OR5AP2: variants seen among roughly 807,000 people sequenced by gnomAD.
OR5AP2 encodes the protein olfactory receptor 5AP2.
For synonymous variants in OR5AP2, 142 were observed against 140.8 expected (o/e 1.01, Z -0.06); for missense variants, 409 against 378.9 (o/e 1.08, Z -0.66).
At position 56,641,762 on chromosome 11, in the gene OR5AP2, A is replaced by G. The variant is rs746383421; in HGVS notation, c.678T>C (p.Cys226=). 1 of 1,614,150 alleles carries G rather than the reference A, an allele frequency of 6.2e-7. No individual in the cohort carries two copies. Among genetic ancestry groups the G allele is most frequent in the African/African-American group, 1.3e-5 (1 of 75,062 alleles). ...GCATCTTCAAGACGGCAATGAAGAT[A>G]CACAGGTAGGAAATGAGGACAATCA... ...CVMIVLISYL[C]IFIAVLKMPS... The change falls in exon 1 of 1, where the codon TGT becomes TGC. Residue 226 remains cysteine (C), a synonymous_variant. Transcript: ENST00000544374.
At position 56,642,109 on chromosome 11, in the gene OR5AP2, C is replaced by G. The variant is rs1305811605; in HGVS notation, c.331G>C (p.Gly111Arg). ...HGCAAQFYFFGSFLGTECFLL... is the reference protein window; with the variant it reads ...HGCAAQFYFFRSFLGTECFLL... ...AAGCACTCAGTCCCCAGGAAGGAGC[C>G]AAAGAAGTAGAACTGGGCAGCACAT... is the stretch of plus-strand genomic sequence containing the variant. Residue 111 changes from glycine (G) to arginine (R), a missense_variant, in exon 1 of 1, where the codon GGC (glycine) becomes CGC (arginine). Coordinates refer to ENST00000544374, the MANE Select transcript of OR5AP2 (RefSeq NM_001002925.1). 2.5e-6 allele frequency: 4 copies of G among 1,613,936 alleles called. No homozygotes were observed. The highest frequency in any genetic ancestry group is 3.4e-6 in the Non-Finnish European group (4 of 1,180,028).
rs1857004165 is a variant in OR5AP2 at position 56,641,532 on chromosome 11, A to G, written c.908T>C (p.Val303Ala). 3.7e-6 allele frequency: 6 copies of G among 1,610,024 alleles called. No homozygotes were observed. The highest frequency in any genetic ancestry group is 5.1e-6 in the Non-Finnish European group (6 of 1,177,022). Residue 303 changes from valine (V) to alanine (A), a missense_variant, in exon 1 of 1, where the codon GTA becomes GCA. Coordinates refer to ENST00000544374, the MANE Select transcript of OR5AP2 (RefSeq NM_001002925.1). ...PLIYSLKNKD[V>A]KKALKKILWK... Reference sequence around the variant, plus strand: ...TAAGATCTTCTTTAGGGCCTTTTTTACATCCTTATTTTTTAAACTATAGAT... The same window carrying G: ...TAAGATCTTCTTTAGGGCCTTTTTTGCATCCTTATTTTTTAAACTATAGAT...
rs61743175 is a variant in OR5AP2, at chr11:56,642,057, C to A, written c.383G>T (p.Arg128Leu). The A allele has an allele frequency of 3.1e-6, 5 of 1,613,910 alleles. No homozygotes were observed. In the African/African-American group the frequency reaches 5.3e-5, roughly 17 times the overall value. ...CFLLAMMAYDRYAAIWNPLLY... is the reference protein window; with the variant it reads ...CFLLAMMAYDLYAAIWNPLLY... Reference sequence around the variant, plus strand: ...CAGGGGGTTCCAAATGGCTGCATAGCGGTCATATGCCATCATGGCCAACAG... The same window carrying A: ...CAGGGGGTTCCAAATGGCTGCATAGAGGTCATATGCCATCATGGCCAACAG... The change falls in exon 1 of 1, where the codon CGC (arginine) becomes CTC (leucine). Residue 128 changes from arginine to leucine, a missense_variant. Physicochemically the swap from Arg to Leu is moderately radical, Grantham distance 102. Coordinates refer to ENST00000544374, the MANE Select transcript of OR5AP2 (RefSeq NM_001002925.1).
At position 56,642,323 on chromosome 11, in the gene OR5AP2, C is replaced by T. The variant is rs928597669; in HGVS notation, c.117G>A (p.Leu39=). The T allele has an allele frequency of 7.4e-6, 12 of 1,613,480 alleles. No homozygotes were observed. The highest frequency in any genetic ancestry group is 1.0e-5 in the Non-Finnish European group (12 of 1,179,958). Residue 39 remains leucine, a synonymous_variant, in exon 1 of 1, where the codon TTG becomes TTA. Coordinates refer to ENST00000544374, the MANE Select transcript of OR5AP2 (RefSeq NM_001002925.1). ...LQGVLFALFL[L]IYMANMVGNL... is the part of the protein sequence containing the mutation. ...TGCCCACCATGTTTGCCATATAGAT[C>T]AACAGAAACAATGCAAAGAGGACTC...
rs750762247 is a variant in OR5AP2 at position 56,641,956 on chromosome 11, C to T, written c.484G>A (p.Ala162Thr). 6.8e-6 allele frequency: 11 copies of T among 1,614,066 alleles called. No individual in the cohort carries two copies. The Admixed American group carries it at 1.7e-4, about 24-fold the overall frequency. Residue 162 changes from alanine to threonine, a missense_variant, in exon 1 of 1, where the codon GCA becomes ACA. Transcript: ENST00000544374. Reference sequence around the variant, plus strand: ...AAAGTCATCCCTGTATGTATGGCTGCATTTCCACAACCTGCTAAGAAGGAG... The same window carrying T: ...AAAGTCATCCCTGTATGTATGGCTGTATTTCCACAACCTGCTAAGAAGGAG... ...ATSFLAGCGN[A>T]AIHTGMTFRL...
rs767569692 is a variant in OR5AP2 at position 56,641,610 on chromosome 11, T to A, written c.830A>T (p.Asp277Val). 2 of 1,613,836 alleles carry A rather than the reference T, an allele frequency of 1.2e-6. No homozygotes were observed. The highest frequency in any genetic ancestry group is 1.7e-6 in the Non-Finnish European group (2 of 1,179,802). ...RPTSSYSMEQDKVVSVFYTVI... is the reference protein window; with the variant it reads ...RPTSSYSMEQVKVVSVFYTVI... ...TGTATAAAAGACAGAGACAACCTTG[T>A]CTTGCTCCATTGAGTAGCTAGATGT... The change falls in exon 1 of 1, where the codon GAC (aspartate) becomes GTC (valine). Residue 277 changes from aspartate (D) to valine (V), a missense_variant. Transcript: ENST00000544374.
rs1565031716 is a variant in OR5AP2 at position 56,642,229 on chromosome 11, TA to T, written c.210del (p.Ser70ArgfsTer6). ...TAAGAGGCATCTACAAAAGAGAGGC[TA>T]CTGAGAAAGAAATACATGGGGGTGT... The part of the protein sequence containing the change: ...CLHTPMYFFL[S>X]SLSFVDASYS... On this transcript the variant is annotated frameshift_variant, in exon 1 of 1. Transcript: ENST00000544374. LOFTEE classifies it low-confidence loss of function (END_TRUNC). The T allele has an allele frequency of 5.6e-6, 9 of 1,614,042 alleles. No homozygotes were observed. The highest frequency in any genetic ancestry group is 1.3e-5 in the African/African-American group (1 of 74,938).
At position 56,642,361 on chromosome 11, in the gene OR5AP2, G is replaced by A; in HGVS notation, c.79C>T (p.Pro27Ser). ...EFLLLGLSDN[P>S]DLQGVLFALF... is the part of the protein sequence containing the mutation. Reference sequence around the variant, plus strand: ...GCAAAGAGGACTCCTTGTAGATCTGGATTGTCGGAAAGTCCTAAGAGGAGA... The same window carrying A: ...GCAAAGAGGACTCCTTGTAGATCTGAATTGTCGGAAAGTCCTAAGAGGAGA... Residue 27 changes from proline (P) to serine (S), a missense_variant, in exon 1 of 1, where the codon CCA (proline) becomes TCA (serine). Pro to Ser is a moderately conservative substitution (Grantham distance 74). Transcript: ENST00000544374. The A allele has an allele frequency of 1.2e-6, 2 of 1,611,314 alleles. No individual in the cohort carries two copies. The highest frequency in any genetic ancestry group is 1.7e-6 in the Non-Finnish European group (2 of 1,179,968).
At chr11:56,642,425 TTTCATAAGTCTCATC>T in exon 1 of OR5AP2, 3 of 1,596,366 alleles carry the variant, frequency 1.9e-6, no homozygotes, top group Non-Finnish European at 2.6e-6. Flanking sequence ...CTCGAACCTC[TTTCATAAGTCTCATC>T]ATTTGAGCTG....
chr11:56,641,790 A>G lies in OR5AP2; in HGVS notation c.650T>C (p.Val217Ala). The change falls in exon 1 of 1, where the codon GTT (valine) becomes GCT (alanine). Residue 217 changes from valine (V) to alanine (A), a missense_variant. Physicochemically the swap from Val to Ala is moderately conservative, Grantham distance 64. Coordinates refer to ENST00000544374, the MANE Select transcript of OR5AP2 (RefSeq NM_001002925.1). Reference sequence around the variant, plus strand: ...CAGGTAGGAAATGAGGACAATCATAACACAGCTGATGACAATAAAACTTGA... The same window carrying G: ...CAGGTAGGAAATGAGGACAATCATAGCACAGCTGATGACAATAAAACTTGA... ...AFSSFIVISC[V>A]MIVLISYLCI... 1 of 1,614,226 alleles carries G rather than the reference A, an allele frequency of 6.2e-7. No individual in the cohort carries two copies. The highest frequency in any genetic ancestry group is 8.5e-7 in the Non-Finnish European group (1 of 1,180,038).
rs564090082 is a variant in OR5AP2 at position 56,642,058 on chromosome 11, G to A, written c.382C>T (p.Arg128Cys). Reference protein sequence around the residue: ...CFLLAMMAYDRYAAIWNPLLY... With the variant: ...CFLLAMMAYDCYAAIWNPLLY... ...AGGGGGTTCCAAATGGCTGCATAGCGGTCATATGCCATCATGGCCAACAGG... is the reference window on the plus strand; with the variant it reads ...AGGGGGTTCCAAATGGCTGCATAGCAGTCATATGCCATCATGGCCAACAGG... Residue 128 changes from arginine (R) to cysteine (C), a missense_variant, in exon 1 of 1, where the codon CGC becomes TGC. Arg to Cys is a radical substitution (Grantham distance 180). Transcript: ENST00000544374. The A allele has an allele frequency of 9.3e-6, 15 of 1,613,928 alleles. 1 individual carries two copies. Among genetic ancestry groups the A allele is most frequent in the African/African-American group, 4.0e-5 (3 of 74,926 alleles).
rs146308984 is a variant in OR5AP2, at chr11:56,641,754, A to G, written c.686T>C (p.Ile229Thr). ...TAACGAAGGCATCTTCAAGACGGCA[A>G]TGAAGATACACAGGTAGGAAATGAG... Reference protein sequence around the residue: ...IVLISYLCIFIAVLKMPSLEG... With the variant: ...IVLISYLCIFTAVLKMPSLEG... Residue 229 changes from isoleucine (I) to threonine (T), a missense_variant, in exon 1 of 1, where the codon ATT becomes ACT. Transcript: ENST00000544374. 5 of 1,614,010 alleles carry G rather than the reference A, an allele frequency of 3.1e-6. No individual in the cohort carries two copies. Among genetic ancestry groups the G allele is most frequent in the East Asian group, 4.5e-5 (2 of 44,896 alleles).
rs369806983 is a variant in OR5AP2 at position 56,641,641 on chromosome 11, G to A, written c.799C>T (p.Arg267Cys). The change falls in exon 1 of 1, where the codon CGC (arginine) becomes TGC (cysteine). Residue 267 changes from arginine (R) to cysteine (C), a missense_variant. By Grantham distance (180) the Arg-to-Cys change is radical. Coordinates refer to ENST00000544374, the MANE Select transcript of OR5AP2 (RefSeq NM_001002925.1). ...TCCATTGAGTAGCTAGATGTAGGGC[G>A]CAAGTACATGAAGAGGATTGTTCCA... ...FFGTILFMYL[R>C]PTSSYSMEQD... 55 of 1,613,896 alleles carry A rather than the reference G, an allele frequency of 3.4e-5. No homozygotes were observed. Among genetic ancestry groups the A allele is most frequent in the Admixed American group, 3.0e-4 (18 of 60,000 alleles).
At position 56,642,225 on chromosome 11, in the gene OR5AP2, A is replaced by T. The variant is rs1447033272; in HGVS notation, c.215T>A (p.Leu72His). Reference sequence around the variant, plus strand: ...AGAGTAAGAGGCATCTACAAAAGAGAGGCTACTGAGAAAGAAATACATGGG... The same window carrying T: ...AGAGTAAGAGGCATCTACAAAAGAGTGGCTACTGAGAAAGAAATACATGGG... ...HTPMYFFLSS[L>H]SFVDASYSSS... Residue 72 changes from leucine (L) to histidine (H), a missense_variant, in exon 1 of 1, where the codon CTC becomes CAC. Physicochemically the swap from Leu to His is moderately conservative, Grantham distance 99. Transcript: ENST00000544374. The T allele has an allele frequency of 5.0e-6, 8 of 1,614,170 alleles. No individual in the cohort carries two copies. Among genetic ancestry groups the T allele is most frequent in the Non-Finnish European group, 6.8e-6 (8 of 1,180,008 alleles).
chr11:56,641,903 C>A lies in OR5AP2; in HGVS notation c.537G>T (p.Arg179Ser), dbSNP rs1857008860. 1 of 1,614,140 alleles carries A rather than the reference C, an allele frequency of 6.2e-7. No individual in the cohort carries two copies. Among genetic ancestry groups the A allele is most frequent in the Non-Finnish European group, 8.5e-7 (1 of 1,180,024 alleles). Residue 179 changes from arginine (R) to serine (S), a missense_variant, in exon 1 of 1, where the codon AGG (arginine) becomes AGT (serine). Arg to Ser is a moderately radical substitution (Grantham distance 110). Coordinates refer to ENST00000544374, the MANE Select transcript of OR5AP2 (RefSeq NM_001002925.1). ...TFRLSFCGSN[R>S]INHFYCDTPP... ...GGGTGTCACAGTAGAAATGGTTGAT[C>A]CTATTAGAACCACAAAAGGACAACC... is the stretch of plus-strand genomic sequence containing the variant.
rs1277770780 is a variant in OR5AP2 at position 56,641,725 on chromosome 11, C to A, written c.715G>T (p.Gly239Cys). ...IAVLKMPSLE[G>C]RHKAFSTCAS... Reference sequence around the variant, plus strand: ...CAGGTGGAGAAGGCTTTGTGCCTGCCCTCTAACGAAGGCATCTTCAAGACG... The same window carrying A: ...CAGGTGGAGAAGGCTTTGTGCCTGCACTCTAACGAAGGCATCTTCAAGACG... The change falls in exon 1 of 1, where the codon GGC (glycine) becomes TGC (cysteine). Residue 239 changes from glycine to cysteine, a missense_variant. By Grantham distance (159) the Gly-to-Cys change is radical. Coordinates refer to ENST00000544374, the MANE Select transcript of OR5AP2 (RefSeq NM_001002925.1). 1.9e-6 allele frequency: 3 copies of A among 1,613,792 alleles called. No individual in the cohort carries two copies. The East Asian group carries it at 6.7e-5, about 36-fold the overall frequency.
In OR5AP2 at chr11:56,642,340, A is replaced by G; in HGVS notation, c.100T>C (p.Phe34Leu). ...SDNPDLQGVLFALFLLIYMAN... is the reference protein window; with the variant it reads ...SDNPDLQGVLLALFLLIYMAN... ...ATATAGATCAACAGAAACAATGCAA[A>G]GAGGACTCCTTGTAGATCTGGATTG... The change falls in exon 1 of 1, where the codon TTT becomes CTT. Residue 34 changes from phenylalanine (F) to leucine (L), a missense_variant. Phe to Leu is a conservative substitution (Grantham distance 22, BLOSUM62 0). Transcript: ENST00000544374. 2 of 1,612,942 alleles carry G rather than the reference A, an allele frequency of 1.2e-6. No individual in the cohort carries two copies. The highest frequency in any genetic ancestry group is 2.2e-5 in the East Asian group (1 of 44,876).
Position 56,641,696 on chromosome 11 carries a change from G to C in OR5AP2, c.744C>G (p.Ala248=), listed in dbSNP as rs1418454138. The change falls in exon 1 of 1, where the codon GCC becomes GCG. Residue 248 remains alanine (A), a synonymous_variant. Coordinates refer to ENST00000544374, the MANE Select transcript of OR5AP2 (RefSeq NM_001002925.1). ...EGRHKAFSTC[A]SYLMAVTIFF... is the part of the protein sequence containing the mutation. ...ATATGGTGACAGCCATGAGGTAAGA[G>C]GCACAGGTGGAGAAGGCTTTGTGCC... The C allele has an allele frequency of 6.2e-7, 1 of 1,614,104 alleles. No homozygotes were observed. Among genetic ancestry groups the C allele is most frequent in the South Asian group, 1.1e-5 (1 of 91,080 alleles).
In OR5AP2 at chr11:56,642,343, G is replaced by A. The variant is rs1857013961; in HGVS notation, c.97C>T (p.Leu33Phe). ...LSDNPDLQGV[L>F]FALFLLIYMA... is the part of the protein sequence containing the mutation. ...TAGATCAACAGAAACAATGCAAAGA[G>A]GACTCCTTGTAGATCTGGATTGTCG... The change falls in exon 1 of 1, where the codon CTC becomes TTC. Residue 33 changes from leucine to phenylalanine, a missense_variant. By Grantham distance (22) the Leu-to-Phe change is conservative (BLOSUM62 0). Transcript: ENST00000544374. 1.2e-6 allele frequency: 2 copies of A among 1,612,494 alleles called. No homozygotes were observed. The highest frequency in any genetic ancestry group is 1.7e-6 in the Non-Finnish European group (2 of 1,179,902).
Sources: gnomAD v4.1 joint callset for allele counts on GRCh38, gnomAD v4.1.1 for gene constraint, MANE v1.5 for transcripts, NCBI Gene and HGNC (gene_info 2026-07-23, HGNC 2026-07-21) for gene names.